USH2A: variants seen among roughly 807,000 people sequenced by gnomAD.
USH2A encodes Usher syndrome 2A (autosomal recessive, mild).
USH2A carries 443 observed loss-of-function variants against 538.9 expected under a neutral mutation model. The observed-to-expected ratio is 0.82, with a 90% CI of 0.76 to 0.89. The LOEUF is 0.89. Ranked by LOEUF, USH2A falls within the 40% of genes least tolerant of loss-of-function variation. The probability of loss-of-function intolerance (pLI) is 0.00; values close to 1 mark genes in which losing one functional copy is unlikely to be tolerated. For synonymous variants in USH2A, 2,413 were observed against 2,273.5 expected (o/e 1.06, Z -1.75); for missense variants, 6,633 against 6,324.8 (o/e 1.05, Z -1.65).
At chr1:215,699,669 T>C (rs1188297242) in intron 61 of USH2A, among the ~76,000 whole-genome samples, 1 of 152,244 alleles carries the variant, frequency 6.6e-6, no homozygotes, top group Non-Finnish European at 1.5e-5. Flanking sequence ...TGATTTTGTA[T>C]CCTGAGAATT....
rs12066622 is a variant in USH2A, at chr1:216,051,270, G to A, written c.6050-2623C>T. On this transcript the variant is annotated intron_variant, in intron 30 of 71. Coordinates refer to ENST00000307340, the MANE Select transcript of USH2A (RefSeq NM_206933.4). ...GCAGGCCATGTAACCACACCTGGAT[G>A]TCCCACTGGTATTTCATACTCAACG... Among the ~76,000 whole-genome samples, 1,414 of 152,262 alleles carry A rather than the reference G, an allele frequency of 9.3e-3. 12 individuals are homozygous for A. Among genetic ancestry groups the A allele is most frequent in the African/African-American group, 0.029 (1,192 of 41,560 alleles).
At chr1:215,708,626 T>C (rs1427728736) in intron 61 of USH2A, among the ~76,000 whole-genome samples, 23 of 152,102 alleles carry the variant, frequency 1.5e-4, no homozygotes, top group Admixed American at 1.5e-3. Flanking sequence ...GCACACAACT[T>C]AGATCCCTTG....
intron 47 of USH2A, among the ~76,000 whole-genome samples, chr1:215,820,980 C>T (rs1425832051): frequency 3.3e-5 from 5 of 151,712 alleles, no homozygotes; most frequent in South Asian, 4.1e-4. Flanking sequence ...TTTCTTTATC[C>T]ATTCATTCAT....
intron 30 of USH2A, among the ~76,000 whole-genome samples, chr1:216,061,905 G>A (rs775501642): frequency 2.0e-5 from 3 of 152,148 alleles, no homozygotes; most frequent in Admixed American, 6.5e-5. Context: ...GGGTGGCTGC[G>A]CGGCTAATGC....
intron 60 of USH2A, among the ~76,000 whole-genome samples, chr1:215,732,436 C>G (rs1403520725): frequency 6.6e-6 from 1 of 151,088 alleles, no homozygotes; most frequent in East Asian, 1.9e-4. Flanking sequence ...AAATGCTTGA[C>G]TATAGTTTCT....
intron 61 of USH2A, among the ~76,000 whole-genome samples, chr1:215,726,146 G>T (rs1325283444): frequency 1.3e-5 from 2 of 152,162 alleles, no homozygotes; most frequent in Non-Finnish European, 2.9e-5. Context: ...GGGTGTTTCA[G>T]TATACTCATA....
intron 30 of USH2A, among the ~76,000 whole-genome samples, chr1:216,049,233 T>C (rs1044153528): frequency 6.6e-6 from 1 of 152,224 alleles, no homozygotes; most frequent in African/African-American, 2.4e-5. Context: ...TAGATAATTA[T>C]GCTTTTGTAC....
At chr1:215,789,388 G>A (rs1414147258) in intron 51 of USH2A, among the ~76,000 whole-genome samples, 1 of 152,082 alleles carries the variant, frequency 6.6e-6, no homozygotes, top group Non-Finnish European at 1.5e-5. Context: ...GTCTTATAAT[G>A]ACAAATTACT....
At chr1:215,646,256 G>T (rs2797230) in intron 67 of USH2A, among the ~76,000 whole-genome samples, 1 of 152,086 alleles carries the variant, frequency 6.6e-6, no homozygotes, top group African/African-American at 2.4e-5. Context: ...GCCTGATGCT[G>T]TACTGTTACT....
At chr1:215,658,325 G>A (rs536172652) in intron 64 of USH2A, among the ~76,000 whole-genome samples, 1 of 151,814 alleles carries the variant, frequency 6.6e-6, no homozygotes, top group Non-Finnish European at 1.5e-5. Flanking sequence ...TCTCATGGAG[G>A]ATATGTAAAA....
At chr1:216,061,738 A>G (rs1038169329) in intron 30 of USH2A, among the ~76,000 whole-genome samples, 11 of 152,296 alleles carry the variant, frequency 7.2e-5, no homozygotes, top group African/African-American at 2.2e-4. Flanking sequence ...GAAACGACCA[A>G]AGTTTTATAA....
intron 38 of USH2A, among the ~76,000 whole-genome samples, chr1:215,909,746 G>A (rs61828475): frequency 0.24 from 37,037 of 151,802 alleles, 5,054 homozygotes; most frequent in African/African-American, 0.36. Context: ...GAGATTTGCA[G>A]ATCACTGGGA....
intron 40 of USH2A, among the ~76,000 whole-genome samples, chr1:215,898,273 C>A (rs1665402069): frequency 6.6e-6 from 1 of 152,160 alleles, no homozygotes. Context: ...AGGGTTAATA[C>A]CACTCACTTT....
chr1:215,695,080 C>T (rs544353111), intron 61 of USH2A, among the ~76,000 whole-genome samples: 3 of 152,188 alleles, frequency 2.0e-5, no homozygotes, highest in South Asian at 2.1e-4. Context: ...TTACTTTTTT[C>T]GCAGTTGCTA....
In USH2A at chr1:216,073,270, A is replaced by C. The variant is rs1553298240; in HGVS notation, c.5603T>G (p.Phe1868Cys). The change falls in exon 28 of 72, where the codon TTT becomes TGT. Residue 1868 changes from phenylalanine to cysteine, a missense_variant. By Grantham distance (205) the Phe-to-Cys change is radical (BLOSUM62 -2). Transcript: ENST00000307340. Reference protein sequence around the residue: ...GFGGCMKDVKFTRGAVVNLAS... With the variant: ...GFGGCMKDVKCTRGAVVNLAS... Reference sequence around the variant, plus strand: ...CAAGTTAACGACAGCACCCCGTGTAAATTTAACATCCTTCATGCAACCACC... The same window carrying C: ...CAAGTTAACGACAGCACCCCGTGTACATTTAACATCCTTCATGCAACCACC... 8.7e-6 allele frequency: 14 copies of C among 1,613,756 alleles called. No homozygotes were observed. Among genetic ancestry groups the C allele is most frequent in the Non-Finnish European group, 1.2e-5 (14 of 1,179,904 alleles).
chr1:216,070,307 A>C lies in USH2A; in HGVS notation c.5858-15T>G, dbSNP rs1243635915. 3 of 1,613,550 alleles carry C rather than the reference A, an allele frequency of 1.9e-6. No homozygotes were observed. Among genetic ancestry groups the C allele is most frequent in the South Asian group, 2.2e-5 (2 of 91,070 alleles). Reference sequence around the variant, plus strand: ...ACTTTGTGGAGCTGTGAAGGAATAAAAGAGAAAATAGGGAAAATGGCAGTT... The same window carrying C: ...ACTTTGTGGAGCTGTGAAGGAATAACAGAGAAAATAGGGAAAATGGCAGTT... On this transcript the variant is annotated splice_polypyrimidine_tract_variant and intron_variant, in intron 29 of 71. Transcript: ENST00000307340.
chr1:215,630,666 AAC>A (rs1449956952), intron 70 of USH2A, among the ~76,000 whole-genome samples: 2 of 151,306 alleles, frequency 1.3e-5, no homozygotes, highest in African/African-American at 4.9e-5. Flanking sequence ...CAACCTGGCC[AAC>A]ATGGTGAAAC....
At chr1:215,705,162 G>T (rs75681398) in intron 61 of USH2A, among the ~76,000 whole-genome samples, 1 of 152,104 alleles carries the variant, frequency 6.6e-6, no homozygotes, top group Non-Finnish European at 1.5e-5. Context: ...CTAAGAAAGA[G>T]AAAAATATGC....
chr1:215,762,985 A>C (rs143231664), intron 56 of USH2A, among the ~76,000 whole-genome samples: 4 of 152,332 alleles, frequency 2.6e-5, no homozygotes, highest in Non-Finnish European at 4.4e-5. Flanking sequence ...TCATGTCCCT[A>C]CAAATCTTCA....
Sources: gnomAD v4.1 joint callset for allele counts (sites outside exome capture counted in the v4.1 genomes callset) on GRCh38, gnomAD v4.1.1 for gene constraint, MANE v1.5 for transcripts, NCBI Gene and HGNC (gene_info 2026-07-23, HGNC 2026-07-21) for gene names.